RYR3: variants seen among roughly 807,000 people sequenced by gnomAD.
RYR3 encodes the protein brain ryanodine receptor-calcium release channel.
In RYR3, 207 loss-of-function variants were observed where a neutral mutation model predicts 584.3. The ratio of observed to expected loss-of-function variants is 0.35; its 90% CI spans 0.32 to 0.40. The LOEUF (loss-of-function observed/expected upper bound fraction) is 0.40, where lower values mean the gene tolerates loss of function less well. RYR3 is among the 10% of genes least tolerant of loss of function. The pLI is 1.00. For missense variants in RYR3, 5,616 were observed against 6,089.2 expected, an observed-to-expected ratio of 0.92 and a Z score of 2.59; for synonymous variants, 2,416 against 2,248.5, an observed-to-expected ratio of 1.07 and a Z score of -2.11.
At chr15:33,434,120 G>C (rs2045449533) in intron 1 of RYR3, among the ~76,000 whole-genome samples, 1 of 152,096 alleles carries the variant, frequency 6.6e-6, no homozygotes, top group East Asian at 1.9e-4. Flanking sequence ...CAGCACACTG[G>C]GTCAATGTCT....
chr15:33,690,675 A>G (rs1431088375), intron 38 of RYR3, among the ~76,000 whole-genome samples: 1 of 152,198 alleles, frequency 6.6e-6, no homozygotes, highest in African/African-American at 2.4e-5. Flanking sequence ...TTCCAATCAC[A>G]GCCTCACTTC....
chr15:33,834,334 A>G (rs1351730597), intron 86 of RYR3, among the ~76,000 whole-genome samples: 1 of 149,542 alleles, frequency 6.7e-6, no homozygotes, highest in Non-Finnish European at 1.5e-5. Context: ...AGTGAGATTA[A>G]CATGGAAAAT....
chr15:33,695,863 G>A (rs532638331), intron 38 of RYR3, among the ~76,000 whole-genome samples: 244 of 147,044 alleles, frequency 1.7e-3, no homozygotes, highest in African/African-American at 5.9e-3. Flanking sequence ...GTGGCTTACC[G>A]CACCCTCAAC....
At chr15:33,578,908 TGA>T (rs2058454126) in intron 12 of RYR3, among the ~76,000 whole-genome samples, 1 of 152,158 alleles carries the variant, frequency 6.6e-6, no homozygotes, top group South Asian at 2.1e-4. Context: ...CTTTGCCCTC[TGA>T]GAGGCTCCCA....
chr15:33,564,130 G>A (rs1159395857), intron 11 of RYR3, among the ~76,000 whole-genome samples: 1 of 152,176 alleles, frequency 6.6e-6, no homozygotes, highest in Non-Finnish European at 1.5e-5. Context: ...ATGGGATCTT[G>A]CATTAGCTCA....
chr15:33,663,795 A>G, intron 36 of RYR3, 58 bp downstream of exon 36: 1 of 1,449,658 alleles, frequency 6.9e-7, no homozygotes, highest in Non-Finnish European at 9.5e-7. Flanking sequence ...AGACCTATGG[A>G]ACAGGGCACA....
chr15:33,319,480 C>T (rs959234509), intron 1 of RYR3, among the ~76,000 whole-genome samples: 1 of 152,160 alleles, frequency 6.6e-6, no homozygotes, highest in Non-Finnish European at 1.5e-5. Context: ...TCCAGGCTGG[C>T]TAGAAGAGAA....
Position 33,644,438 on chromosome 15 carries a change from C to T in RYR3, c.3684C>T (p.Asn1228=), listed in dbSNP as rs976214819. ...LQEGFEPFAV[N]MNRDVAMWFS... The stretch of plus-strand genomic sequence containing the variant: ...AGGGCTTTGAGCCTTTTGCTGTCAA[C>T]ATGAACAGAGATGTTGCTATGTGGT... The change falls in exon 28 of 104, where the codon AAC becomes AAT. Residue 1228 remains asparagine, a synonymous_variant. Transcript: ENST00000634891. The T allele has an allele frequency of 6.2e-7, 1 of 1,613,948 alleles. No homozygotes were observed. The highest frequency in any genetic ancestry group is 8.5e-7 in the Non-Finnish European group (1 of 1,179,842).
chr15:33,821,268 A>G lies in RYR3; in HGVS notation c.10816-2A>G. 1.3e-6 allele frequency: 2 copies of G among 1,588,164 alleles called. No homozygotes were observed. The highest frequency in any genetic ancestry group is 1.7e-6 in the Non-Finnish European group (2 of 1,167,380). ...TTTCCCTGTGATTTTTTTTCCCCCC[A>G]GGAGAAAGAGATGGAGAAGCAAAAA... is the stretch of plus-strand genomic sequence containing the variant. On this transcript the variant is annotated splice_acceptor_variant, in intron 78 of 103. Transcript: ENST00000634891. LOFTEE classifies it high-confidence loss of function.
At chr15:33,794,853 C>T (rs554367172) in intron 67 of RYR3, among the ~76,000 whole-genome samples, 4 of 152,290 alleles carry the variant, frequency 2.6e-5, no homozygotes, top group Admixed American at 1.3e-4. Flanking sequence ...GAGGTCACCT[C>T]ATCTTACCTC....
chr15:33,736,869 C>A (rs889093067), intron 49 of RYR3, among the ~76,000 whole-genome samples: 1 of 152,062 alleles, frequency 6.6e-6, no homozygotes, highest in South Asian at 2.1e-4. Flanking sequence ...CTGCCTCAGC[C>A]TCCTGAGTAG....
chr15:33,793,547 A>C (rs1227855790), intron 67 of RYR3, among the ~76,000 whole-genome samples: 1 of 152,168 alleles, frequency 6.6e-6, no homozygotes, highest in African/African-American at 2.4e-5. Flanking sequence ...ATAATAAAAA[A>C]AACTCCTATT....
intron 1 of RYR3, among the ~76,000 whole-genome samples, chr15:33,366,673 G>GT (rs935157913): frequency 6.6e-6 from 1 of 152,184 alleles, no homozygotes; most frequent in African/African-American, 2.4e-5. Context: ...GGTTTGCTAG[G>GT]AAAATGATGG....
At chr15:33,513,467 GA>G (rs2053219772) in intron 3 of RYR3, among the ~76,000 whole-genome samples, 1 of 152,204 alleles carries the variant, frequency 6.6e-6, no homozygotes, top group African/African-American at 2.4e-5. Flanking sequence ...TCGGTGGAAA[GA>G]AAGTGGGAAT....
At position 33,492,464 on chromosome 15, in the gene RYR3, CA is replaced by C. The variant is rs61324117; in HGVS notation, c.172-11155del. 2.2e-3 allele frequency among the ~76,000 whole-genome samples: 318 copies of C among 145,488 alleles called. 1 individual carries two copies. Among genetic ancestry groups the C allele is most frequent in the South Asian group, 4.4e-3 (20 of 4,564 alleles). On this transcript the variant is annotated intron_variant, in intron 2 of 103. Coordinates refer to ENST00000634891, the MANE Select transcript of RYR3 (RefSeq NM_001036.6). The stretch of plus-strand genomic sequence containing the variant: ...TCTAGAGATATTATTTCTCTCAAAG[CA>C]AAAAAAAAAAATGCCATGTAGGAGC...
intron 1 of RYR3, among the ~76,000 whole-genome samples, chr15:33,400,688 T>C (rs2042602279): frequency 6.6e-6 from 1 of 152,212 alleles, no homozygotes; most frequent in Admixed American, 6.5e-5. Flanking sequence ...TTGCTTTTTA[T>C]AGAGTCTTAA....
intron 1 of RYR3, among the ~76,000 whole-genome samples, chr15:33,396,168 G>C (rs1392737239): frequency 6.6e-6 from 1 of 152,150 alleles, no homozygotes; most frequent in Non-Finnish European, 1.5e-5. Context: ...CGGCCCACTT[G>C]AGTGATTATG....
chr15:33,400,755 A>T (rs961406369), intron 1 of RYR3, among the ~76,000 whole-genome samples: 2 of 152,210 alleles, frequency 1.3e-5, no homozygotes, highest in African/African-American at 4.8e-5. Context: ...TGGTATTATT[A>T]ATGATATTAT....
At chr15:33,669,879 T>TGG (rs1165452032) in intron 37 of RYR3, among the ~76,000 whole-genome samples, 2 of 22,984 alleles carry the variant, frequency 8.7e-5, no homozygotes, top group Non-Finnish European at 2.3e-4. Flanking sequence ...TGGGTGTGTG[T>TGG]GGTGTGTGTG....
Sources: allele counts gnomAD v4.1 joint callset (sites outside exome capture counted in the v4.1 genomes callset), GRCh38; gene constraint gnomAD v4.1.1; transcripts MANE v1.5; gene names NCBI Gene and HGNC (gene_info 2026-07-23, HGNC 2026-07-21).